Variants in CDH18 observed in about 807,000 individuals in gnomAD.
The protein encoded by CDH18 is cadherin 18.
Under a neutral mutation model 67.9 loss-of-function variants are expected in CDH18, and 31 were observed. The observed-to-expected ratio is 0.46, with a 90% CI of 0.34 to 0.62. The LOEUF is 0.62. Among genes scored for constraint, CDH18 ranks in the 20% least tolerant of loss-of-function variants. The pLI, the probability that CDH18 is intolerant of heterozygous loss-of-function variation, is 0.01. For synonymous variants in CDH18, 362 were observed against 347.2 expected, an observed-to-expected ratio of 1.04 and a Z score of -0.48; for missense variants, 890 against 975.5, an observed-to-expected ratio of 0.91 and a Z score of 1.17.
At chr5:19,825,518 G>A (rs530040885) in intron 3 of CDH18, among the ~76,000 whole-genome samples, 1 of 152,170 alleles carries the variant, frequency 6.6e-6, no homozygotes, top group African/African-American at 2.4e-5. Flanking sequence ...ACACCGCAAG[G>A]ATACAGCCTG....
chr5:19,562,073 C>T (rs1739556804), intron 8 of CDH18, among the ~76,000 whole-genome samples: 1 of 152,080 alleles, frequency 6.6e-6, no homozygotes, highest in Non-Finnish European at 1.5e-5. Context: ...AACACAATGG[C>T]TGAGTGTTTT....
At chr5:20,066,934 T>A (rs1479247946) in intron 2 of CDH18, among the ~76,000 whole-genome samples, 1 of 151,846 alleles carries the variant, frequency 6.6e-6, no homozygotes. Flanking sequence ...TCTAGTAACA[T>A]GTAAATACAT....
At chr5:19,867,163 T>C (rs1280913001) in intron 2 of CDH18, among the ~76,000 whole-genome samples, 1 of 152,156 alleles carries the variant, frequency 6.6e-6, no homozygotes, top group Non-Finnish European at 1.5e-5. Flanking sequence ...TTCTGTAATA[T>C]AATATGACAT....
chr5:20,487,668 G>T (rs116785341), intron 1 of CDH18, among the ~76,000 whole-genome samples: 3,970 of 151,278 alleles, frequency 0.026, 174 homozygotes, highest in African/African-American at 0.089. Flanking sequence ...AATGGGAAGT[G>T]CATATCCTAA....
intron 6 of CDH18, among the ~76,000 whole-genome samples, 178 bp downstream of exon 6, chr5:19,612,256 T>C (rs1001746445): frequency 1.3e-5 from 2 of 152,130 alleles, no homozygotes; most frequent in Admixed American, 1.3e-4. Context: ...ATTTCCTAGG[T>C]TCAGAAGACA....
At chr5:19,657,555 T>C (rs1260163240) in intron 5 of CDH18, among the ~76,000 whole-genome samples, 1 of 152,130 alleles carries the variant, frequency 6.6e-6, no homozygotes, top group Non-Finnish European at 1.5e-5. Flanking sequence ...GTTTATACAG[T>C]TGCTGTTACT....
chr5:20,478,015 T>C (rs1177034991), intron 1 of CDH18, among the ~76,000 whole-genome samples: 1 of 152,170 alleles, frequency 6.6e-6, no homozygotes, highest in Non-Finnish European at 1.5e-5. Context: ...GGGAACATGC[T>C]GCATTGATGG....
At chr5:20,445,865 G>A (rs1749956943) in intron 1 of CDH18, among the ~76,000 whole-genome samples, 1 of 152,122 alleles carries the variant, frequency 6.6e-6, no homozygotes, top group Non-Finnish European at 1.5e-5. Context: ...GTTTATTGAA[G>A]CATAGTAATA....
At chr5:19,969,936 C>T (rs900511045) in intron 2 of CDH18, among the ~76,000 whole-genome samples, 5 of 151,998 alleles carry the variant, frequency 3.3e-5, no homozygotes, top group Admixed American at 6.6e-5. Context: ...GAATGTTTTA[C>T]ATCCAATAAG....
chr5:19,742,465 A>G (rs758176058), intron 4 of CDH18, among the ~76,000 whole-genome samples: 19 of 151,876 alleles, frequency 1.3e-4, no homozygotes, highest in Non-Finnish European at 2.6e-4. Context: ...TTTTTTAATC[A>G]TTTTATCCTG....
At chr5:20,117,259 C>G (rs1419194831) in intron 2 of CDH18, among the ~76,000 whole-genome samples, 1 of 152,066 alleles carries the variant, frequency 6.6e-6, no homozygotes, top group Non-Finnish European at 1.5e-5. Flanking sequence ...TGCTGTACAT[C>G]AAGGAAAGCA....
intron 5 of CDH18, among the ~76,000 whole-genome samples, chr5:19,693,940 T>A (rs1762227373): frequency 6.7e-6 from 1 of 149,052 alleles, no homozygotes. Context: ...CTCTAGATAA[T>A]ATTAAGGGGA....
chr5:19,572,906 G>T (rs1034345924), intron 7 of CDH18, among the ~76,000 whole-genome samples: 3 of 152,064 alleles, frequency 2.0e-5, no homozygotes, highest in African/African-American at 7.2e-5. Flanking sequence ...CTTATAATAA[G>T]TTCCCCAATT....
chr5:20,235,129 C>A (rs964738830), intron 2 of CDH18, among the ~76,000 whole-genome samples: 1 of 151,950 alleles, frequency 6.6e-6, no homozygotes, highest in African/African-American at 2.4e-5. Context: ...CAAATTAACT[C>A]AAGATAGATT....
chr5:20,008,173 T>C (rs74489869), intron 2 of CDH18, among the ~76,000 whole-genome samples: 1,756 of 152,184 alleles, frequency 0.012, 41 homozygotes, highest in African/African-American at 0.04. Context: ...CTATGTGTGA[T>C]GGCAATGCAC....
At chr5:19,813,805 T>C (rs1263663675) in intron 3 of CDH18, among the ~76,000 whole-genome samples, 1 of 152,146 alleles carries the variant, frequency 6.6e-6, no homozygotes, top group African/African-American at 2.4e-5. Context: ...AACTACATTG[T>C]TATGATAATT....
chr5:20,092,036 A>T (rs574558104), intron 2 of CDH18, among the ~76,000 whole-genome samples: 221 of 152,192 alleles, frequency 1.5e-3, no homozygotes, highest in African/African-American at 4.9e-3. Flanking sequence ...CTGTTTTCTT[A>T]CATGATTGCA....
intron 1 of CDH18, among the ~76,000 whole-genome samples, chr5:20,281,348 A>G (rs1580657658): frequency 6.6e-6 from 1 of 152,272 alleles, no homozygotes; most frequent in East Asian, 1.9e-4. Flanking sequence ...TAGGTCTAAC[A>G]TTTAAGTCTT....
intron 3 of CDH18, among the ~76,000 whole-genome samples, chr5:19,809,814 A>T (rs1469335813): frequency 6.6e-6 from 1 of 152,178 alleles, no homozygotes; most frequent in Non-Finnish European, 1.5e-5. Context: ...GTTAAAGTTT[A>T]AAGGGATTCC....
Sources: gnomAD v4.1 joint callset for allele counts (sites outside exome capture counted in the v4.1 genomes callset) on GRCh38, gnomAD v4.1.1 for gene constraint, MANE v1.5 for transcripts, NCBI Gene and HGNC (gene_info 2026-07-23, HGNC 2026-07-21) for gene names.